The following TPD52 variants were observed in gnomAD, a reference collection of about 807,000 sequenced individuals.
TPD52 encodes tumor protein D52, also known as prostate and colon associated protein.
TPD52 carries 17 observed loss-of-function variants against 31.3 expected under a neutral mutation model. That is an observed-to-expected ratio of 0.54 (90% CI 0.37 to 0.82). The LOEUF is 0.82. TPD52 is among the 40% of genes least tolerant of loss of function. TPD52 has a pLI of 0.00. For synonymous variants in TPD52, 83 were observed against 89.6 expected (o/e 0.93, Z 0.42); for missense variants, 212 against 240.1 (o/e 0.88, Z 0.77).
At chr8:80,057,317 T>C (rs1450933755) in intron 2 of TPD52, among the ~76,000 whole-genome samples, 2 of 152,190 alleles carry the variant, frequency 1.3e-5, no homozygotes, top group Admixed American at 1.3e-4. Flanking sequence ...AATACAGAGC[T>C]ACCATTCAAT....
At chr8:80,060,894 G>C (rs1812447665) in intron 2 of TPD52, among the ~76,000 whole-genome samples, 1 of 151,792 alleles carries the variant, frequency 6.6e-6, no homozygotes, top group Non-Finnish European at 1.5e-5. Flanking sequence ...TTCCCCATAA[G>C]ATCAGAAAAA....
chr8:80,038,699 T>TA (rs1296046648), intron 7 of TPD52, among the ~76,000 whole-genome samples: 6 of 152,194 alleles, frequency 3.9e-5, no homozygotes, highest in Non-Finnish European at 8.8e-5. Flanking sequence ...CTTTAATACT[T>TA]AAAGTGTGGT....
At chr8:80,054,703 C>T (rs773377469) in intron 2 of TPD52, among the ~76,000 whole-genome samples, 1 of 147,368 alleles carries the variant, frequency 6.8e-6, no homozygotes, top group Non-Finnish European at 1.5e-5. Flanking sequence ...AAAATTAGTG[C>T]AACGGAGAAA....
At chr8:80,155,630 T>C (rs112894800) in intron 1 of TPD52, among the ~76,000 whole-genome samples, 11 of 152,262 alleles carry the variant, frequency 7.2e-5, no homozygotes, top group African/African-American at 2.4e-4. Flanking sequence ...ACGCCTGTAA[T>C]CTCAGCACTT....
At chr8:80,075,320 G>A (rs1156341017) in intron 1 of TPD52, among the ~76,000 whole-genome samples, 1 of 152,178 alleles carries the variant, frequency 6.6e-6, no homozygotes, top group Non-Finnish European at 1.5e-5. Flanking sequence ...AGCAGGAGGG[G>A]AGGGGCTGCA....
chr8:80,074,383 T>G (rs567544547), intron 1 of TPD52, among the ~76,000 whole-genome samples: 1 of 152,362 alleles, frequency 6.6e-6, no homozygotes, highest in African/African-American at 2.4e-5. Flanking sequence ...CTGTGCCTTG[T>G]TGTTTCTGGA....
At chr8:80,120,560 TA>T (rs1808194449) in intron 1 of TPD52, among the ~76,000 whole-genome samples, 2 of 152,340 alleles carry the variant, frequency 1.3e-5, no homozygotes, top group East Asian at 3.9e-4. Flanking sequence ...TCGATGGGAC[TA>T]AAACACAATA....
intron 1 of TPD52, among the ~76,000 whole-genome samples, chr8:80,101,976 G>C (rs1271020243): frequency 6.6e-6 from 1 of 152,206 alleles, no homozygotes; most frequent in Non-Finnish European, 1.5e-5. Context: ...GACAGAGAAA[G>C]AGAGTGCATG....
At chr8:80,151,193 A>G (rs542954737) in intron 1 of TPD52, among the ~76,000 whole-genome samples, 8 of 152,312 alleles carry the variant, frequency 5.3e-5, no homozygotes, top group African/African-American at 1.7e-4. Flanking sequence ...CATGTAAGAC[A>G]TGACTTAGCT....
chr8:80,048,701 C>T (rs1199418230), intron 5 of TPD52, among the ~76,000 whole-genome samples: 1 of 152,146 alleles, frequency 6.6e-6, no homozygotes, highest in African/African-American at 2.4e-5. Context: ...GACTTCTTGG[C>T]CTTGAAATTA....
intron 5 of TPD52, among the ~76,000 whole-genome samples, chr8:80,046,777 A>G (rs1446784469): frequency 6.6e-6 from 1 of 152,180 alleles, no homozygotes; most frequent in African/African-American, 2.4e-5. Context: ...CTCACTAAGT[A>G]CTTTTCAATC....
At chr8:80,147,212 G>T (rs1488081400) in intron 1 of TPD52, among the ~76,000 whole-genome samples, 10 of 152,118 alleles carry the variant, frequency 6.6e-5, no homozygotes. Flanking sequence ...TTCATGTATT[G>T]CTCCTGGAAG....
chr8:80,140,415 TA>T (rs1809749004), intron 1 of TPD52, among the ~76,000 whole-genome samples: 2 of 152,234 alleles, frequency 1.3e-5, no homozygotes, highest in South Asian at 4.1e-4. Flanking sequence ...CCTTGTTAAC[TA>T]AAGAAAACAG....
intron 1 of TPD52, among the ~76,000 whole-genome samples, chr8:80,163,100 T>C (rs1172247025): frequency 6.6e-6 from 1 of 152,172 alleles, no homozygotes; most frequent in Non-Finnish European, 1.5e-5. Context: ...AATTATCATA[T>C]GATCCAGCAA....
intron 1 of TPD52, chr8:80,158,896 A>T (rs1214489791): frequency 1.4e-5 from 2 of 139,506 alleles, no homozygotes; most frequent in African/African-American, 5.5e-5. Flanking sequence ...GTGAGCCGAG[A>T]TCCCGCCACT....
intron 1 of TPD52, among the ~76,000 whole-genome samples, chr8:80,109,071 G>A (rs1807324701): frequency 6.6e-6 from 1 of 152,126 alleles, no homozygotes; most frequent in African/African-American, 2.4e-5. Flanking sequence ...TAGAATGCCT[G>A]GCTAAAAGTG....
intron 4 of TPD52, 183 bp downstream of exon 4, chr8:80,051,344 T>A: frequency 1.7e-6 from 1 of 571,492 alleles, no homozygotes; most frequent in Non-Finnish European, 3.1e-6. Flanking sequence ...CATTTGATGT[T>A]AGAATGCTAG....
At chr8:80,056,631 A>G (rs1292035137) in intron 2 of TPD52, among the ~76,000 whole-genome samples, 1 of 152,216 alleles carries the variant, frequency 6.6e-6, no homozygotes, top group Non-Finnish European at 1.5e-5. Flanking sequence ...TAATTTGAGA[A>G]ATGCAAATCA....
intron 1 of TPD52, among the ~76,000 whole-genome samples, chr8:80,097,899 T>C (rs1563624005): frequency 6.6e-6 from 1 of 152,228 alleles, no homozygotes; most frequent in Non-Finnish European, 1.5e-5. Flanking sequence ...GCTGACTCTC[T>C]TCTTAGGAGC....
Sources: allele counts gnomAD v4.1 joint callset (sites outside exome capture counted in the v4.1 genomes callset), GRCh38; gene constraint gnomAD v4.1.1; transcripts MANE v1.5; gene names NCBI Gene and HGNC (gene_info 2026-07-23, HGNC 2026-07-21).